The following LIN54 variants were observed in gnomAD, a reference collection of about 807,000 sequenced individuals.
The protein encoded by LIN54 is protein lin-54 homolog.
Under a neutral mutation model 78.7 loss-of-function variants are expected in LIN54, and 9 were observed. The ratio of observed to expected loss-of-function variants is 0.11; its 90% CI spans 0.07 to 0.20. The LOEUF is 0.20. Among genes scored for constraint, LIN54 ranks in the 10% least tolerant of loss-of-function variants. LIN54 has a pLI of 1.00. For synonymous variants in LIN54, 269 were observed against 318.4 expected, an observed-to-expected ratio of 0.84 and a Z score of 1.65; for missense variants, 573 against 889.9, an observed-to-expected ratio of 0.64 and a Z score of 4.53.
intron 1 of LIN54, among the ~76,000 whole-genome samples, chr4:83,007,707 G>A (rs895286747): frequency 2.6e-5 from 4 of 152,006 alleles, no homozygotes; most frequent in Non-Finnish European, 5.9e-5. Context: ...GGCCAACATG[G>A]TGAAACCCTG....
chr4:82,972,905 C>T (rs969211383), intron 3 of LIN54, among the ~76,000 whole-genome samples: 38 of 146,532 alleles, frequency 2.6e-4, no homozygotes, highest in Admixed American at 4.9e-4. Context: ...GCTGAGATTG[C>T]GCCATTGCAC....
rs571639793 is a variant in LIN54, at chr4:82,925,459, G to A, written c.*2643C>T. 1 of 152,592 alleles carries A rather than the reference G, an allele frequency of 6.6e-6. No homozygotes were observed. The highest frequency in any genetic ancestry group is 2.4e-5 in the African/African-American group (1 of 41,570). 9.5% of individuals were successfully genotyped at this position (152,592 alleles called of 1,614,324 possible). On this transcript the variant is annotated 3_prime_UTR_variant, in exon 13 of 13. Coordinates refer to ENST00000340417, the MANE Select transcript of LIN54 (RefSeq NM_194282.4). ...GATTCACCCGCCTTGACCTCCCAAA[G>A]TGCTGGAATTACAGGCGTGAGCCAC...
chr4:82,957,854 C>T (rs1307160758), intron 4 of LIN54, among the ~76,000 whole-genome samples: 1 of 152,326 alleles, frequency 6.6e-6, no homozygotes, highest in South Asian at 2.1e-4. Context: ...TTGCTCTCTA[C>T]TGATTCCCCA....
chr4:82,928,765 C>T (rs1006574567), intron 12 of LIN54, among the ~76,000 whole-genome samples: 8 of 152,124 alleles, frequency 5.3e-5, no homozygotes, highest in Non-Finnish European at 8.8e-5. Flanking sequence ...ACTATCTCTT[C>T]GGCAAAATGA....
At chr4:82,977,333 C>T (rs1489063184) in intron 3 of LIN54, among the ~76,000 whole-genome samples, 1 of 152,172 alleles carries the variant, frequency 6.6e-6, no homozygotes, top group Non-Finnish European at 1.5e-5. Context: ...CTGCAGCCCA[C>T]TTCCTAAATC....
intron 3 of LIN54, among the ~76,000 whole-genome samples, chr4:82,976,015 G>A (rs553705698): frequency 1.3e-5 from 2 of 152,132 alleles, no homozygotes; most frequent in Non-Finnish European, 2.9e-5. Flanking sequence ...CGCAAGGAAC[G>A]GCAAAGAAAG....
chr4:83,000,827 C>CTTTTTTTTTTTTTTT lies in LIN54; in HGVS notation c.-33+9656_-33+9657insAAAAAAAAAAAAAAA, dbSNP rs1553959274. 2.0e-3 allele frequency among the ~76,000 whole-genome samples: 235 copies of CTTTTTTTTTTTTTTT among 120,460 alleles called. 9 individuals are homozygous for CTTTTTTTTTTTTTTT. Among genetic ancestry groups the CTTTTTTTTTTTTTTT allele is most frequent in the African/African-American group, 6.5e-3 (202 of 30,922 alleles). 79.0% of individuals were successfully genotyped at this position (120,460 alleles called of 152,430 possible). ...GCCATCAAGCCCAAAGCAATAAATT[C>CTTTTTTTTTTTTTTT]TTTTTTTTTTTTTGGAGATAGAGTC... On this transcript the variant is annotated intron_variant, in intron 1 of 12. Transcript: ENST00000340417.
At chr4:82,931,208 G>T (rs983427152) in intron 11 of LIN54, 63 bp from the exon 12 acceptor site, 19 of 1,199,626 alleles carry the variant, frequency 1.6e-5, no homozygotes, top group Non-Finnish European at 2.2e-5. Context: ...ATAAGTAGAT[G>T]CCACAATCAA....
rs1187122597 is a variant in LIN54 at position 82,997,714 on chromosome 4, C to A, written c.-33+12770G>T. Among the ~76,000 whole-genome samples the A allele has an allele frequency of 2.0e-5, 3 of 151,662 alleles. No individual in the cohort carries two copies. In the East Asian group the frequency reaches 5.8e-4, roughly 29 times the overall value. Reference sequence around the variant, plus strand: ...GGTGACAATAAAAAAGAAGTGAATTCAATACAAAATAAAAAATAATGTAAT... The same window carrying A: ...GGTGACAATAAAAAAGAAGTGAATTAAATACAAAATAAAAAATAATGTAAT... On this transcript the variant is annotated intron_variant, in intron 1 of 12. Coordinates refer to ENST00000340417, the MANE Select transcript of LIN54 (RefSeq NM_194282.4).
chr4:82,979,253 G>A (rs1227358476), intron 2 of LIN54, among the ~76,000 whole-genome samples: 1 of 151,632 alleles, frequency 6.6e-6, no homozygotes, highest in Non-Finnish European at 1.5e-5. Flanking sequence ...TTCATGTCTT[G>A]GATATATGCA....
chr4:83,005,492 G>C (rs1729273311), intron 1 of LIN54, among the ~76,000 whole-genome samples: 1 of 152,022 alleles, frequency 6.6e-6, no homozygotes, highest in Non-Finnish European at 1.5e-5. Flanking sequence ...ATCTGGGCAT[G>C]GTGGAGTGCA....
chr4:82,949,673 A>G lies in LIN54; in HGVS notation c.952-3199T>C, dbSNP rs572822932. Among the ~76,000 whole-genome samples, 23 of 152,138 alleles carry G rather than the reference A, an allele frequency of 1.5e-4. No individual in the cohort carries two copies. The East Asian group carries it at 3.3e-3, about 22-fold the overall frequency. ...CAGCTTCCCAAAGTGCTGGGATTAC[A>G]GGCATTAGCCACTGCACCCAGCCTG... On this transcript the variant is annotated intron_variant, in intron 4 of 12. Transcript: ENST00000340417.
At chr4:82,941,669 T>TA (rs1318972755) in intron 5 of LIN54, among the ~76,000 whole-genome samples, 8 of 151,804 alleles carry the variant, frequency 5.3e-5, no homozygotes, top group Non-Finnish European at 1.5e-5. Flanking sequence ...GCAGTGGGAA[T>TA]AAAAAAGAGA....
At position 82,969,130 on chromosome 4, in the gene LIN54, C is replaced by T. The variant is rs117820390; in HGVS notation, c.951+1197G>A. ...TCTCACACTGCAAAAATCAGTGAGG[C>T]TTCCTGAAAGACCACACTTTTACAC... is the stretch of plus-strand genomic sequence containing the variant. On this transcript the variant is annotated intron_variant, in intron 4 of 12. Coordinates refer to ENST00000340417, the MANE Select transcript of LIN54 (RefSeq NM_194282.4). Among the ~76,000 whole-genome samples, 98 of 152,300 alleles carry T rather than the reference C, an allele frequency of 6.4e-4. 1 individual carries two copies. The East Asian group carries it at 0.015, about 24-fold the overall frequency.
intron 11 of LIN54, among the ~76,000 whole-genome samples, chr4:82,932,096 T>TA (rs1254972438): frequency 2.7e-5 from 4 of 146,752 alleles, no homozygotes; most frequent in African/African-American, 1.0e-4. Context: ...ATTTTAATTT[T>TA]TTTTTTTTTT....
At chr4:82,958,629 A>G (rs906461477) in intron 4 of LIN54, among the ~76,000 whole-genome samples, 3 of 152,170 alleles carry the variant, frequency 2.0e-5, no homozygotes, top group Admixed American at 2.0e-4. Flanking sequence ...TCAAATCAAC[A>G]TAAGTGATTT....
chr4:82,955,133 A>C (rs553943775), intron 4 of LIN54, among the ~76,000 whole-genome samples: 1 of 152,150 alleles, frequency 6.6e-6, no homozygotes, highest in South Asian at 2.1e-4. Flanking sequence ...GCACTTAGAG[A>C]GGCCGAAGGA....
At chr4:82,933,292 T>C (rs549670682) in intron 11 of LIN54, among the ~76,000 whole-genome samples, 4 of 150,728 alleles carry the variant, frequency 2.7e-5, no homozygotes, top group South Asian at 2.1e-4. Flanking sequence ...TTAAGAACCA[T>C]AGGAAAGACA....
At chr4:82,939,065 T>C (rs1722626142) in intron 7 of LIN54, among the ~76,000 whole-genome samples, 1 of 152,236 alleles carries the variant, frequency 6.6e-6, no homozygotes, top group Non-Finnish European at 1.5e-5. Flanking sequence ...TCCCCGTCTT[T>C]CATTCTAAAG....
Sources: allele counts gnomAD v4.1 joint callset (sites outside exome capture counted in the v4.1 genomes callset), GRCh38; gene constraint gnomAD v4.1.1; transcripts MANE v1.5; gene names NCBI Gene and HGNC (gene_info 2026-07-23, HGNC 2026-07-21).